NELL1: variants seen among roughly 807,000 people sequenced by gnomAD.
NELL1 encodes neural EGFL like 1.
Under a neutral mutation model 107.4 loss-of-function variants are expected in NELL1, and 76 were observed. That is an observed-to-expected ratio of 0.71 (90% CI 0.59 to 0.86). The LOEUF (loss-of-function observed/expected upper bound fraction) is 0.86, where lower values mean the gene tolerates loss of function less well. Ranked by LOEUF, NELL1 falls within the 40% of genes least tolerant of loss-of-function variation. The probability of loss-of-function intolerance (pLI) is 0.00; values close to 1 mark genes in which losing one functional copy is unlikely to be tolerated. For missense variants in NELL1, 1,024 were observed against 1,005.5 expected, an observed-to-expected ratio of 1.02 and a Z score of -0.25; for synonymous variants, 353 against 341.2, an observed-to-expected ratio of 1.03 and a Z score of -0.38.
chr11:21,107,123 T>C (rs1294589269), intron 12 of NELL1, among the ~76,000 whole-genome samples: 5 of 152,234 alleles, frequency 3.3e-5, no homozygotes, highest in Non-Finnish European at 4.4e-5. Context: ...TTTGTTACAA[T>C]TGATGGACCT....
intron 12 of NELL1, among the ~76,000 whole-genome samples, chr11:20,985,299 T>C (rs1851830689): frequency 6.6e-6 from 1 of 152,194 alleles, no homozygotes; most frequent in Non-Finnish European, 1.5e-5. Flanking sequence ...TAAAACTTTA[T>C]ATATGTTTTC....
chr11:20,765,161 TAA>T (rs11342033), intron 2 of NELL1, among the ~76,000 whole-genome samples: 1 of 140,326 alleles, frequency 7.1e-6, no homozygotes, highest in African/African-American at 2.6e-5. Flanking sequence ...CTGTCTTTGT[TAA>T]AAAAAAAAAA....
chr11:20,927,554 GTTTT>G, intron 8 of NELL1, 112 bp downstream of exon 8: 2 of 1,072,126 alleles, frequency 1.9e-6, no homozygotes, highest in Non-Finnish European at 2.6e-6. Flanking sequence ...GAATTGTTAG[GTTTT>G]TACCTAGCAC....
chr11:21,496,802 T>C (rs1372105755), intron 15 of NELL1, among the ~76,000 whole-genome samples: 1 of 152,122 alleles, frequency 6.6e-6, no homozygotes, highest in East Asian at 1.9e-4. Flanking sequence ...TTTTAACTTA[T>C]TAAGAAGTAA....
chr11:20,848,473 G>A (rs980799107), intron 4 of NELL1, among the ~76,000 whole-genome samples: 9 of 152,100 alleles, frequency 5.9e-5, no homozygotes, highest in Admixed American at 5.9e-4. Flanking sequence ...GCTGGATAAT[G>A]GTGTTCAAGG....
intron 1 of NELL1, among the ~76,000 whole-genome samples, chr11:20,675,593 C>T (rs1854035074): frequency 6.6e-6 from 1 of 152,082 alleles, no homozygotes; most frequent in African/African-American, 2.4e-5. Flanking sequence ...TTCCAAATTC[C>T]TGGCCAGAGA....
At chr11:21,177,146 A>G (rs534803891) in intron 13 of NELL1, among the ~76,000 whole-genome samples, 1 of 151,808 alleles carries the variant, frequency 6.6e-6, no homozygotes, top group Non-Finnish European at 1.5e-5. Flanking sequence ...AGGAATTTAG[A>G]AATACACATT....
chr11:21,204,248 A>G (rs766438647), intron 13 of NELL1, among the ~76,000 whole-genome samples: 25 of 152,188 alleles, frequency 1.6e-4, no homozygotes, highest in Non-Finnish European at 2.6e-4. Context: ...AGGTACACCA[A>G]TCAAATGTAG....
chr11:21,485,690 C>A (rs1218467485), intron 15 of NELL1, among the ~76,000 whole-genome samples: 2 of 151,844 alleles, frequency 1.3e-5, no homozygotes, highest in Non-Finnish European at 2.9e-5. Context: ...AGCACAGTCA[C>A]CACTGCACCC....
At chr11:21,229,516 G>C in intron 14 of NELL1, 62 bp downstream of exon 14, 2 of 1,605,510 alleles carry the variant, frequency 1.2e-6, no homozygotes, top group South Asian at 1.1e-5. Flanking sequence ...CTTGGCACTT[G>C]TGCGTCGGAC....
At chr11:20,959,761 G>A (rs1043462109) in intron 11 of NELL1, among the ~76,000 whole-genome samples, 7 of 152,142 alleles carry the variant, frequency 4.6e-5, no homozygotes, top group African/African-American at 1.2e-4. Flanking sequence ...ACAAATCACC[G>A]CTAAAGAACT....
rs138615200 is a variant in NELL1, at chr11:21,543,767, C to A, written c.1786+9253C>A. ...TCTGGGAAGACAAGCGCACCTCCTCCGTTTCGATGATAATCACTTCACAAA... is the reference window on the plus strand; with the variant it reads ...TCTGGGAAGACAAGCGCACCTCCTCAGTTTCGATGATAATCACTTCACAAA... On this transcript the variant is annotated intron_variant, in intron 16 of 19. Transcript: ENST00000357134. Among the ~76,000 whole-genome samples, 6 of 151,958 alleles carry A rather than the reference C, an allele frequency of 3.9e-5. No homozygotes were observed. The East Asian group carries it at 9.7e-4, about 25-fold the overall frequency.
chr11:21,098,086 G>T (rs1854696133), intron 12 of NELL1, among the ~76,000 whole-genome samples: 1 of 152,094 alleles, frequency 6.6e-6, no homozygotes, highest in Middle Eastern at 3.4e-3. Context: ...GGTCTGCCTG[G>T]ATCTGACCTT....
intron 2 of NELL1, among the ~76,000 whole-genome samples, chr11:20,685,565 C>T (rs909680414): frequency 9.2e-5 from 14 of 152,024 alleles, no homozygotes; most frequent in African/African-American, 3.1e-4. Context: ...CAAAGTACTT[C>T]CATTTACTCA....
intron 2 of NELL1, among the ~76,000 whole-genome samples, chr11:20,684,624 AT>A (rs1328156478): frequency 6.6e-6 from 1 of 152,034 alleles, no homozygotes; most frequent in East Asian, 1.9e-4. Context: ...ATGCCTCTTA[AT>A]TTTTGATTAA....
intron 4 of NELL1, among the ~76,000 whole-genome samples, chr11:20,861,063 A>C (rs1848969199): frequency 6.6e-6 from 1 of 152,178 alleles, no homozygotes; most frequent in Admixed American, 6.5e-5. Flanking sequence ...CTCCCAGGCT[A>C]TATTGGTGTA....
At chr11:21,405,430 C>A (rs1324110964) in intron 15 of NELL1, among the ~76,000 whole-genome samples, 1 of 151,982 alleles carries the variant, frequency 6.6e-6, no homozygotes, top group Non-Finnish European at 1.5e-5. Flanking sequence ...TCAGATTTGT[C>A]ACTGTGTTCT....
chr11:21,260,439 C>T (rs984949732), intron 14 of NELL1: 3 of 151,880 alleles, frequency 2.0e-5, no homozygotes, highest in African/African-American at 7.3e-5. Context: ...AAACATGGCT[C>T]TTCAGTGGCT....
chr11:20,753,263 T>A (rs1856183970), intron 2 of NELL1, among the ~76,000 whole-genome samples: 1 of 152,236 alleles, frequency 6.6e-6, no homozygotes, highest in Non-Finnish European at 1.5e-5. Context: ...GTCCTTATTA[T>A]TTTTAATGGA....
Sources: gnomAD v4.1 joint callset for allele counts (sites outside exome capture counted in the v4.1 genomes callset) on GRCh38, gnomAD v4.1.1 for gene constraint, MANE v1.5 for transcripts, NCBI Gene and HGNC (gene_info 2026-07-23, HGNC 2026-07-21) for gene names.